SYN3: variants seen among roughly 807,000 people sequenced by gnomAD.
The protein encoded by SYN3 is synapsin-3.
A neutral mutation model predicts 65.8 loss-of-function variants in SYN3; 35 were observed. The observed-to-expected ratio is 0.53, with a 90% CI of 0.41 to 0.70. The LOEUF (loss-of-function observed/expected upper bound fraction) is 0.70, where lower values mean the gene tolerates loss of function less well. SYN3 is among the 30% of genes least tolerant of loss of function. The probability of loss-of-function intolerance (pLI) is 0.00; values close to 1 mark genes in which losing one functional copy is unlikely to be tolerated. For synonymous variants in SYN3, 270 were observed against 292.9 expected (o/e 0.92, Z 0.80); for missense variants, 680 against 749.0 (o/e 0.91, Z 1.08).
chr22:33,028,769 G>A (rs1158602120), intron 1 of SYN3, among the ~76,000 whole-genome samples: 2 of 151,852 alleles, frequency 1.3e-5, no homozygotes, highest in African/African-American at 2.4e-5. Context: ...TGGCCAGCAC[G>A]GTGGCTCACG....
chr22:33,031,635 C>T (rs987666934), intron 1 of SYN3, among the ~76,000 whole-genome samples: 25 of 152,174 alleles, frequency 1.6e-4, no homozygotes, highest in African/African-American at 5.8e-4. Context: ...GGGCCCTCTT[C>T]CCCTTCTCAT....
intron 6 of SYN3, among the ~76,000 whole-genome samples, chr22:32,848,599 G>A (rs2048134217): frequency 6.6e-6 from 1 of 152,182 alleles, no homozygotes; most frequent in Non-Finnish European, 1.5e-5. Flanking sequence ...TGATGATAAT[G>A]ATGATGATAT....
chr22:32,859,132 G>A, intron 6 of SYN3: 1 of 1,604,694 alleles, frequency 6.2e-7, no homozygotes, highest in Non-Finnish European at 8.5e-7. Context: ...TCAGGCCTGG[G>A]CATACCATGG....
chr22:32,679,102 G>A (rs1399410535), intron 6 of SYN3, among the ~76,000 whole-genome samples: 2 of 137,372 alleles, frequency 1.5e-5, no homozygotes, highest in Non-Finnish European at 3.0e-5. Flanking sequence ...ACCCAGGCTG[G>A]AGTGCAGTGG....
At chr22:32,893,745 C>G (rs899833070) in intron 4 of SYN3, among the ~76,000 whole-genome samples, 1 of 151,938 alleles carries the variant, frequency 6.6e-6, no homozygotes, top group African/African-American at 2.4e-5. Context: ...TGGAAAATAC[C>G]CACTCATCCT....
intron 6 of SYN3, among the ~76,000 whole-genome samples, chr22:32,824,490 C>A (rs1601460155): frequency 6.6e-6 from 1 of 151,840 alleles, no homozygotes. Flanking sequence ...ACAGCAGATC[C>A]CTGTCTGGAG....
intron 2 of SYN3, among the ~76,000 whole-genome samples, 161 bp downstream of exon 2, chr22:33,006,191 T>C (rs2053190624): frequency 6.6e-6 from 1 of 152,178 alleles, no homozygotes; most frequent in South Asian, 2.1e-4. Context: ...GGGCCTAGCA[T>C]GCAGCAGCCA....
At chr22:32,938,655 A>C (rs529167518) in intron 3 of SYN3, among the ~76,000 whole-genome samples, 165 of 151,108 alleles carry the variant, frequency 1.1e-3, no homozygotes, top group African/African-American at 3.9e-3. Flanking sequence ...GGCCAGGCAC[A>C]GTGGCTCATG....
At chr22:32,708,482 TGAA>T (rs1400077621) in intron 6 of SYN3, among the ~76,000 whole-genome samples, 19 of 152,274 alleles carry the variant, frequency 1.2e-4, no homozygotes, top group Admixed American at 1.2e-3. Context: ...GAGGTGCAGT[TGAA>T]GACATTTTTC....
At chr22:32,755,988 G>A (rs557183223) in intron 6 of SYN3, among the ~76,000 whole-genome samples, 1 of 151,426 alleles carries the variant, frequency 6.6e-6, no homozygotes, top group Non-Finnish European at 1.5e-5. Flanking sequence ...AACAAACGCC[G>A]CATGTTTTTA....
rs548135361 is a variant in SYN3 at position 32,727,728 on chromosome 22, T to C, written c.712-130992A>G. ...GTAGTTTGGATTTGCATTTCTCTAA[T>C]GATCAGTGATGTTGAGCTTTTTTGT... On this transcript the variant is annotated intron_variant, in intron 6 of 13. Transcript: ENST00000358763. Among the ~76,000 whole-genome samples the C allele has an allele frequency of 2.0e-3, 311 of 152,378 alleles. 2 individuals are homozygous for C. Among genetic ancestry groups the C allele is most frequent in the South Asian group, 3.3e-3 (16 of 4,830 alleles).
intron 6 of SYN3, among the ~76,000 whole-genome samples, chr22:32,605,451 A>AC: frequency 6.6e-6 from 1 of 152,214 alleles, no homozygotes; most frequent in Non-Finnish European, 1.5e-5. Flanking sequence ...TGTGGAAACA[A>AC]CAGCTCATAT....
intron 6 of SYN3, among the ~76,000 whole-genome samples, chr22:32,737,265 G>A (rs184845099): frequency 6.6e-6 from 1 of 152,222 alleles, no homozygotes; most frequent in Admixed American, 6.5e-5. Flanking sequence ...GAAACTGAGG[G>A]TTGGTGAAGC....
At chr22:32,670,468 C>G (rs2060345235) in intron 6 of SYN3, among the ~76,000 whole-genome samples, 2 of 152,176 alleles carry the variant, frequency 1.3e-5, no homozygotes, top group African/African-American at 2.4e-5. Context: ...TACAGCAAGA[C>G]CAGAGATGAC....
At chr22:32,652,646 C>T (rs751707447) in intron 6 of SYN3, among the ~76,000 whole-genome samples, 34 of 152,154 alleles carry the variant, frequency 2.2e-4, no homozygotes, top group African/African-American at 4.6e-4. Flanking sequence ...GTCAGTTCCT[C>T]GGAATTTATG....
At chr22:32,803,078 G>A (rs1442689633) in intron 6 of SYN3, among the ~76,000 whole-genome samples, 2 of 152,082 alleles carry the variant, frequency 1.3e-5, no homozygotes, top group Non-Finnish European at 2.9e-5. Flanking sequence ...TAAAGGTGGA[G>A]TGGCATCTGG....
intron 6 of SYN3, among the ~76,000 whole-genome samples, chr22:32,699,922 A>G (rs1985597414): frequency 6.6e-6 from 1 of 152,124 alleles, no homozygotes; most frequent in Non-Finnish European, 1.5e-5. Context: ...TAAATAGAAG[A>G]GCACTTTGAG....
intron 4 of SYN3, among the ~76,000 whole-genome samples, chr22:32,919,827 A>G (rs1048715410): frequency 5.9e-5 from 9 of 152,160 alleles, no homozygotes; most frequent in African/African-American, 2.2e-4. Flanking sequence ...GAGGATTTGG[A>G]AAAGCCACCC....
chr22:32,949,949 G>A (rs1390919460), intron 3 of SYN3, among the ~76,000 whole-genome samples: 2 of 152,180 alleles, frequency 1.3e-5, no homozygotes, highest in East Asian at 3.8e-4. Flanking sequence ...GGAGGATTGT[G>A]ACACAACGAG....
Sources: gnomAD v4.1 joint callset for allele counts (sites outside exome capture counted in the v4.1 genomes callset) on GRCh38, gnomAD v4.1.1 for gene constraint, MANE v1.5 for transcripts, NCBI Gene and HGNC (gene_info 2026-07-23, HGNC 2026-07-21) for gene names.